Variants in CDH23 observed in about 807,000 individuals in gnomAD.
CDH23 encodes cadherin related 23, also known as cadherin-23.
Under a neutral mutation model 317.1 loss-of-function variants are expected in CDH23, and 189 were observed. That is an observed-to-expected ratio of 0.60 (90% CI 0.53 to 0.67). CDH23 has a LOEUF of 0.67. CDH23 is among the 30% of genes least tolerant of loss of function. The pLI is 0.00. For missense variants in CDH23, 4,401 were observed against 4,592.4 expected, an observed-to-expected ratio of 0.96 and a Z score of 1.20; for synonymous variants, 1,839 against 1,876.8, an observed-to-expected ratio of 0.98 and a Z score of 0.52.
rs139813247 is a variant in CDH23 at position 71,592,150 on chromosome 10, TG to T, written c.832+14159del. Among the ~76,000 whole-genome samples the T allele has an allele frequency of 2.4e-3, 364 of 152,230 alleles. 1 individual carries two copies. Among genetic ancestry groups the T allele is most frequent in the African/African-American group, 8.6e-3 (356 of 41,530 alleles). On this transcript the variant is annotated intron_variant, in intron 9 of 69. Coordinates refer to ENST00000224721, the MANE Select transcript of CDH23 (RefSeq NM_022124.6). The stretch of plus-strand genomic sequence containing the variant: ...TGTGGATTGTTCCTTTCAGGGCATC[TG>T]TGTTTACAAGAACCCAAGATCTCTC...
intron 1 of CDH23, among the ~76,000 whole-genome samples, chr10:71,421,827 CGTGTGTGT>C (rs138169723): frequency 6.7e-6 from 1 of 148,156 alleles, no homozygotes; most frequent in African/African-American, 2.5e-5. Context: ...TGTGAGGAAG[CGTGTGTGT>C]GTGTGTGTGT....
chr10:71,725,409 T>C lies in CDH23; in HGVS notation c.3468T>C (p.Asn1156=), dbSNP rs751046027. ...HGNNFRIHVS[N]GLLMRGPRPL... is the part of the protein sequence containing the mutation. ...ACAACTTCCGGATCCATGTCAGCAA[T>C]GGGCTCCTGATGCGAGGGCCCCGGC... Residue 1156 remains asparagine (N), a synonymous_variant, in exon 30 of 70, where the codon AAT becomes AAC. Coordinates refer to ENST00000224721, the MANE Select transcript of CDH23 (RefSeq NM_022124.6). 5.0e-6 allele frequency: 8 copies of C among 1,614,028 alleles called. 1 individual carries two copies. The South Asian group carries it at 8.8e-5, about 18-fold the overall frequency.
chr10:71,770,153 A>G (rs1332342583), intron 38 of CDH23, among the ~76,000 whole-genome samples: 1 of 152,246 alleles, frequency 6.6e-6, no homozygotes, highest in Non-Finnish European at 1.5e-5. Context: ...GAGAGCAAGC[A>G]GCTTAGATAG....
At chr10:71,756,797 A>G (rs1840160562) in intron 38 of CDH23, among the ~76,000 whole-genome samples, 9 of 152,206 alleles carry the variant, frequency 5.9e-5, no homozygotes, top group Admixed American at 5.9e-4. Flanking sequence ...AAGAGCTCTG[A>G]GAGGTAAATG....
At chr10:71,524,319 C>T (rs1195356816) in intron 6 of CDH23, among the ~76,000 whole-genome samples, 1 of 152,194 alleles carries the variant, frequency 6.6e-6, no homozygotes, top group East Asian at 1.9e-4. Context: ...TCCTCCCGCT[C>T]CTCTGTAGCC....
At chr10:71,583,442 G>T (rs562613183) in intron 9 of CDH23, among the ~76,000 whole-genome samples, 1 of 152,090 alleles carries the variant, frequency 6.6e-6, no homozygotes, top group Non-Finnish European at 1.5e-5. Context: ...GAGCAGACAG[G>T]TTGGGGGACA....
Position 71,777,874 on chromosome 10 carries a change from C to T in CDH23, c.5040C>T (p.Val1680=), listed in dbSNP as rs750286254. Residue 1680 remains valine, a synonymous_variant, in exon 39 of 70, where the codon GTC becomes GTT. Coordinates refer to ENST00000224721, the MANE Select transcript of CDH23 (RefSeq NM_022124.6). ...VTYAIVAGNI[V]NTFRIDRHMG... Reference sequence around the variant, plus strand: ...ATGCCATCGTCGCAGGCAACATCGTCAACACCTTCCGCATCGACAGACACA... The same window carrying T: ...ATGCCATCGTCGCAGGCAACATCGTTAACACCTTCCGCATCGACAGACACA... The T allele has an allele frequency of 6.2e-7, 1 of 1,613,922 alleles. No individual in the cohort carries two copies. Among genetic ancestry groups the T allele is most frequent in the Non-Finnish European group, 8.5e-7 (1 of 1,179,882 alleles).
chr10:71,564,137 G>A (rs2132350232), intron 6 of CDH23, among the ~76,000 whole-genome samples: 1 of 152,328 alleles, frequency 6.6e-6, no homozygotes, highest in South Asian at 2.1e-4. Flanking sequence ...GTTACTCCCT[G>A]TAGCCTACCT....
chr10:71,736,919 C>G (rs1410609341), intron 34 of CDH23, among the ~76,000 whole-genome samples: 2 of 152,188 alleles, frequency 1.3e-5, no homozygotes, highest in African/African-American at 2.4e-5. Context: ...GGGACTCAAG[C>G]TGAGAGCGTC....
intron 2 of CDH23, among the ~76,000 whole-genome samples, chr10:71,445,300 G>A (rs957359604): frequency 8.5e-5 from 13 of 152,220 alleles, no homozygotes; most frequent in Non-Finnish European, 1.5e-4. Context: ...GTATGGAGAA[G>A]GGGTTCCTGA....
chr10:71,725,368 A>C lies in CDH23; in HGVS notation c.3431-4A>C, dbSNP rs987523303. 12 of 1,613,872 alleles carry C rather than the reference A, an allele frequency of 7.4e-6. No homozygotes were observed. The highest frequency in any genetic ancestry group is 1.0e-5 in the Non-Finnish European group (12 of 1,179,838). ...TGTTCCAGGGGGTCTGTCCCTCCAC[A>C]CAGGTAACCATGGCAACAACTTCCG... On this transcript the variant is annotated splice_region_variant and splice_polypyrimidine_tract_variant and intron_variant, in intron 29 of 69. Coordinates refer to ENST00000224721, the MANE Select transcript of CDH23 (RefSeq NM_022124.6).
In CDH23 at chr10:71,812,761, T is replaced by C. The variant is rs531195164; in HGVS notation, c.9511-7T>C. On this transcript the variant is annotated splice_polypyrimidine_tract_variant and splice_region_variant and intron_variant, in intron 67 of 69. Coordinates refer to ENST00000224721, the MANE Select transcript of CDH23 (RefSeq NM_022124.6). ...CCTCTGCTCCAGCTAACATCCCCTC[T>C]CCCCAGGGAACTTTTGGGCGTGAGC... 116 of 1,613,056 alleles carry C rather than the reference T, an allele frequency of 7.2e-5. 1 individual carries two copies. In the South Asian group the frequency reaches 9.9e-4, roughly 14 times the overall value.
chr10:71,613,404 A>AC (rs1370329642), intron 9 of CDH23, among the ~76,000 whole-genome samples: 1 of 151,976 alleles, frequency 6.6e-6, no homozygotes, highest in East Asian at 1.9e-4. Flanking sequence ...CTACAGTGAC[A>AC]CCCCCTCCTG....
intron 30 of CDH23, among the ~76,000 whole-genome samples, chr10:71,727,531 C>T (rs140465365): frequency 5.0e-4 from 76 of 152,324 alleles, no homozygotes; most frequent in African/African-American, 1.7e-3. Context: ...AGGGGAGAGA[C>T]GGCTTGCAGG....
At chr10:71,746,647 A>C (rs1362415166) in intron 38 of CDH23, among the ~76,000 whole-genome samples, 1 of 152,212 alleles carries the variant, frequency 6.6e-6, no homozygotes, top group Non-Finnish European at 1.5e-5. Flanking sequence ...GCGGAAGGTA[A>C]CTGGGAGGTC....
intron 11 of CDH23, among the ~76,000 whole-genome samples, chr10:71,643,512 G>A (rs1340132516): frequency 6.6e-6 from 1 of 152,120 alleles, no homozygotes. Context: ...CCTACACTGA[G>A]GCCTTCTGGG....
intron 44 of CDH23, among the ~76,000 whole-genome samples, chr10:71,786,843 A>G (rs1367067764): frequency 2.0e-5 from 3 of 150,334 alleles, no homozygotes; most frequent in Non-Finnish European, 4.4e-5. Context: ...TTCTGCTCTC[A>G]TTTTTCCTCT....
At chr10:71,573,349 G>A (rs1334986181) in intron 8 of CDH23, among the ~76,000 whole-genome samples, 1 of 151,994 alleles carries the variant, frequency 6.6e-6, no homozygotes, top group Non-Finnish European at 1.5e-5. Context: ...TGCTAAGTTT[G>A]CATGCTTTTA....
intron 14 of CDH23, among the ~76,000 whole-genome samples, chr10:71,649,654 C>T (rs1367695362): frequency 6.6e-6 from 1 of 152,212 alleles, no homozygotes. Flanking sequence ...CCCTCATGCA[C>T]ACAGTCAGCG....
Sources: gnomAD v4.1 joint callset for allele counts (sites outside exome capture counted in the v4.1 genomes callset) on GRCh38, gnomAD v4.1.1 for gene constraint, MANE v1.5 for transcripts, NCBI Gene and HGNC (gene_info 2026-07-23, HGNC 2026-07-21) for gene names.